Variants in SYCP1 observed in about 807,000 individuals in gnomAD.
SYCP1 encodes synaptonemal complex protein 1.
A neutral mutation model predicts 153.1 loss-of-function variants in SYCP1; 64 were observed. The observed-to-expected ratio is 0.42, with a 90% confidence interval of 0.34 to 0.51. The LOEUF (loss-of-function observed/expected upper bound fraction) is 0.51. Ranked by LOEUF, SYCP1 falls within the 20% of genes least tolerant of loss-of-function variation. SYCP1 has a pLI of 0.06. For missense variants in SYCP1, 997 were observed against 1,049.0 expected (o/e 0.95, Z 0.68); for synonymous variants, 384 against 341.8 (o/e 1.12, Z -1.36).
At chr1:114,911,308 T>G (rs1193953678) in intron 17 of SYCP1, among the ~76,000 whole-genome samples, 171 bp from the exon 18 acceptor site, 3 of 152,078 alleles carry the variant, frequency 2.0e-5, no homozygotes, top group Non-Finnish European at 4.4e-5. Context: ...ATGTCATTGT[T>G]CATTGTTTTA....
At chr1:114,971,107 C>T (rs77688425) in intron 27 of SYCP1, among the ~76,000 whole-genome samples, 4,767 of 152,194 alleles carry the variant, frequency 0.031, 125 homozygotes, top group Non-Finnish European at 0.042. Flanking sequence ...CAAACTTGGC[C>T]TAACATCACC....
At chr1:114,961,841 A>T (rs1384054373) in intron 27 of SYCP1, among the ~76,000 whole-genome samples, 1 of 152,110 alleles carries the variant, frequency 6.6e-6, no homozygotes, top group Admixed American at 6.6e-5. Flanking sequence ...TGTTCTGTAA[A>T]TACCTGTTAA....
At chr1:114,980,771 A>G (rs1209419732) in intron 28 of SYCP1, among the ~76,000 whole-genome samples, 3 of 151,800 alleles carry the variant, frequency 2.0e-5, no homozygotes, top group Admixed American at 2.0e-4. Flanking sequence ...ATTTGTTTTC[A>G]TTTTTAAAAA....
chr1:114,949,567 G>A (rs915594596), intron 27 of SYCP1, among the ~76,000 whole-genome samples: 3 of 152,204 alleles, frequency 2.0e-5, no homozygotes, highest in Non-Finnish European at 4.4e-5. Flanking sequence ...AGACAGGAAG[G>A]TAGGGGAGAG....
chr1:114,878,435 A>G (rs1665689188), intron 12 of SYCP1, among the ~76,000 whole-genome samples: 1 of 152,012 alleles, frequency 6.6e-6, no homozygotes, highest in Non-Finnish European at 1.5e-5. Context: ...TTTCAACTAT[A>G]TGCTCCACAG....
intron 27 of SYCP1, among the ~76,000 whole-genome samples, chr1:114,950,699 GTATT>G (rs773579613): frequency 1.6e-4 from 25 of 151,862 alleles, no homozygotes; most frequent in Non-Finnish European, 3.7e-4. Context: ...AATATAGTCA[GTATT>G]TATGAATGTA....
intron 30 of SYCP1, among the ~76,000 whole-genome samples, chr1:114,989,650 A>C (rs1395346329): frequency 2.0e-5 from 3 of 152,080 alleles, no homozygotes; most frequent in South Asian, 2.1e-4. Context: ...AATTGATAAA[A>C]CGTGAAAGAA....
Position 114,905,156 on chromosome 1 carries a change from A to G in SYCP1, c.1321-5241A>G, listed in dbSNP as rs1248990036. Among the ~76,000 whole-genome samples the G allele has an allele frequency of 2.6e-5, 4 of 152,260 alleles. No individual in the cohort carries two copies. The East Asian group carries it at 5.8e-4, about 22-fold the overall frequency. On this transcript the variant is annotated intron_variant, in intron 16 of 31. Coordinates refer to ENST00000369522, the MANE Select transcript of SYCP1 (RefSeq NM_003176.4). The stretch of plus-strand genomic sequence containing the variant: ...GTCTGTAGATTTCTTTTCTTTTGCT[A>G]TCTGTGTCTGGTTTTGGAGACAAAG...
At chr1:114,992,657 A>C (rs1279240031) in intron 30 of SYCP1, among the ~76,000 whole-genome samples, 1 of 151,640 alleles carries the variant, frequency 6.6e-6, no homozygotes, top group Admixed American at 6.6e-5. Flanking sequence ...AAAGACCTAA[A>C]CTTAAGAGCT....
intron 27 of SYCP1, among the ~76,000 whole-genome samples, chr1:114,962,714 G>A (rs1004435432): frequency 6.6e-6 from 1 of 152,002 alleles, no homozygotes; most frequent in Non-Finnish European, 1.5e-5. Context: ...TGTGCTATTT[G>A]TTGCCTGAAT....
intron 16 of SYCP1, among the ~76,000 whole-genome samples, chr1:114,897,777 T>C (rs555300574): frequency 6.6e-6 from 1 of 152,312 alleles, no homozygotes; most frequent in South Asian, 2.1e-4. Context: ...CAGGCATCAC[T>C]AGCAAATACC....
intron 20 of SYCP1, among the ~76,000 whole-genome samples, chr1:114,915,137 A>G (rs1043060305): frequency 2.0e-5 from 3 of 152,156 alleles, no homozygotes; most frequent in Non-Finnish European, 4.4e-5. Flanking sequence ...AAAAATCACC[A>G]AAAACCTAGA....
intron 27 of SYCP1, among the ~76,000 whole-genome samples, chr1:114,970,834 C>G (rs1241685671): frequency 6.6e-6 from 1 of 152,150 alleles, no homozygotes; most frequent in Non-Finnish European, 1.5e-5. Flanking sequence ...GAAGCAGACT[C>G]TATGAGAGTC....
intron 20 of SYCP1, among the ~76,000 whole-genome samples, chr1:114,918,933 C>T (rs1174852427): frequency 6.6e-6 from 1 of 151,802 alleles, no homozygotes; most frequent in African/African-American, 2.4e-5. Context: ...ATACATGTTT[C>T]CAAGAAATAT....
intron 16 of SYCP1, among the ~76,000 whole-genome samples, chr1:114,902,758 G>A (rs78849809): frequency 0.01 from 1,501 of 143,052 alleles, 148 homozygotes; most frequent in African/African-American, 0.043. Context: ...ATGATCAAGA[G>A]CAGTTTACCT....
chr1:114,974,613 T>G (rs911269550), intron 27 of SYCP1, among the ~76,000 whole-genome samples: 3 of 151,886 alleles, frequency 2.0e-5, no homozygotes, highest in Non-Finnish European at 4.4e-5. Context: ...ACTGGCTTAT[T>G]TCACTTAGCA....
chr1:114,914,118 A>G, intron 20 of SYCP1, 73 bp downstream of exon 20: 1 of 1,142,152 alleles, frequency 8.8e-7, no homozygotes. Context: ...ACTTGTTATC[A>G]TTAATTTAAA....
chr1:114,926,822 C>T (rs1669284492), intron 23 of SYCP1, among the ~76,000 whole-genome samples: 1 of 151,996 alleles, frequency 6.6e-6, no homozygotes. Context: ...CATGCATGAG[C>T]TCTTTGTGTG....
chr1:114,987,820 C>G (rs1426870114), intron 30 of SYCP1, among the ~76,000 whole-genome samples: 1 of 151,600 alleles, frequency 6.6e-6, no homozygotes, highest in African/African-American at 2.4e-5. Context: ...GACTTCAAAA[C>G]AGCTGTCTTA....
Sources: allele counts gnomAD v4.1 joint callset (sites outside exome capture counted in the v4.1 genomes callset), GRCh38; gene constraint gnomAD v4.1.1; transcripts MANE v1.5; gene names NCBI Gene and HGNC (gene_info 2026-07-23, HGNC 2026-07-21).